The following FRMD4A variants were observed in gnomAD, a reference collection of about 807,000 sequenced individuals.
FRMD4A encodes the protein FERM domain containing 4A.
In FRMD4A, 29 loss-of-function variants were observed where a neutral mutation model predicts 129.1. That is an observed-to-expected ratio of 0.22 (90% CI 0.17 to 0.31). FRMD4A has a LOEUF of 0.31. FRMD4A is among the 10% of genes least tolerant of loss of function. The pLI is 1.00. For synonymous variants in FRMD4A, 634 were observed against 571.6 expected (o/e 1.11, Z -1.56); for missense variants, 1,272 against 1,375.8 (o/e 0.92, Z 1.19).
chr10:14,059,055 C>A (rs767827636), intron 2 of FRMD4A, among the ~76,000 whole-genome samples: 1 of 152,136 alleles, frequency 6.6e-6, no homozygotes, highest in Non-Finnish European at 1.5e-5. Context: ...CTTTATCCAG[C>A]CATTTTGATG....
chr10:13,789,421 A>C (rs2092941177), intron 5 of FRMD4A, among the ~76,000 whole-genome samples: 1 of 152,102 alleles, frequency 6.6e-6, no homozygotes, highest in South Asian at 2.1e-4. Context: ...GAAGAGGCAA[A>C]TCTAATCTCT....
chr10:13,874,767 T>C (rs186204674), intron 2 of FRMD4A, among the ~76,000 whole-genome samples: 10 of 152,342 alleles, frequency 6.6e-5, no homozygotes, highest in Admixed American at 5.2e-4. Context: ...AATAAAGAAT[T>C]ATTCACAGTA....
At chr10:14,236,995 CAAAAAAA>C (rs71477244) in intron 2 of FRMD4A, among the ~76,000 whole-genome samples, 171 of 75,396 alleles carry the variant, frequency 2.3e-3, no homozygotes, top group East Asian at 4.6e-3. Flanking sequence ...AACAGGTCAG[CAAAAAAA>C]AAAAAAAAAA....
intron 2 of FRMD4A, among the ~76,000 whole-genome samples, chr10:14,104,866 G>T (rs1837504464): frequency 6.6e-6 from 1 of 152,246 alleles, no homozygotes; most frequent in African/African-American, 2.4e-5. Flanking sequence ...GCCTTTGAAA[G>T]ATTCTGAGTT....
chr10:13,882,651 A>C (rs11258693), intron 2 of FRMD4A, among the ~76,000 whole-genome samples: 55,303 of 152,102 alleles, frequency 0.36, 10,246 homozygotes, highest in East Asian at 0.5. Flanking sequence ...GGCACAGGAC[A>C]GATGCCATGT....
intron 2 of FRMD4A, among the ~76,000 whole-genome samples, chr10:13,951,859 C>A (rs909934269): frequency 6.7e-6 from 1 of 150,190 alleles, no homozygotes; most frequent in Non-Finnish European, 1.5e-5. Context: ...CACTGCACTG[C>A]AGCCTGGGCT....
intron 17 of FRMD4A, among the ~76,000 whole-genome samples, chr10:13,669,154 C>T (rs993721367): frequency 1.3e-5 from 2 of 150,342 alleles, no homozygotes; most frequent in Non-Finnish European, 2.9e-5. Context: ...CTCCGACTCC[C>T]GGGTTCAAGC....
chr10:13,717,696 T>G (rs1433239253), intron 12 of FRMD4A, among the ~76,000 whole-genome samples: 1 of 136,602 alleles, frequency 7.3e-6, no homozygotes, highest in African/African-American at 2.9e-5. Flanking sequence ...GTTCTTGTTT[T>G]TTTTTTTTTT....
At chr10:13,779,850 A>G (rs1352570401) in intron 6 of FRMD4A, among the ~76,000 whole-genome samples, 1 of 151,716 alleles carries the variant, frequency 6.6e-6, no homozygotes, top group East Asian at 1.9e-4. Context: ...AACAATTCAC[A>G]TAAAGCACTC....
At chr10:14,228,325 GA>G (rs1843517912) in intron 2 of FRMD4A, among the ~76,000 whole-genome samples, 1 of 152,130 alleles carries the variant, frequency 6.6e-6, no homozygotes, top group Non-Finnish European at 1.5e-5. Flanking sequence ...AAAATACAGT[GA>G]CCATATGTCC....
At chr10:14,084,358 G>C (rs1199962706) in intron 2 of FRMD4A, among the ~76,000 whole-genome samples, 1 of 152,204 alleles carries the variant, frequency 6.6e-6, no homozygotes, top group African/African-American at 2.4e-5. Flanking sequence ...TGTTGGTCAG[G>C]CTGGTCTTGA....
chr10:13,896,094 T>G (rs1348349622), intron 2 of FRMD4A, among the ~76,000 whole-genome samples: 1 of 152,198 alleles, frequency 6.6e-6, no homozygotes, highest in Non-Finnish European at 1.5e-5. Flanking sequence ...GTTCAACCAT[T>G]GTGGAAGACA....
At chr10:14,042,815 A>T (rs926566623) in intron 2 of FRMD4A, among the ~76,000 whole-genome samples, 3 of 151,608 alleles carry the variant, frequency 2.0e-5, no homozygotes, top group Non-Finnish European at 2.9e-5. Context: ...ATACAAAAAA[A>T]ATTAGGTGGG....
intron 2 of FRMD4A, among the ~76,000 whole-genome samples, chr10:13,939,257 T>C (rs893191750): frequency 6.6e-6 from 1 of 152,244 alleles, no homozygotes; most frequent in African/African-American, 2.4e-5. Flanking sequence ...GTTTAAGGTT[T>C]TGAAAATTGT....
Position 13,931,847 on chromosome 10 carries a change from G to C in FRMD4A, c.46-72935C>G, listed in dbSNP as rs538758726. Among the ~76,000 whole-genome samples the C allele has an allele frequency of 1.5e-3, 234 of 152,012 alleles. 3 individuals carry two copies. Among genetic ancestry groups the C allele is most frequent in the African/African-American group, 5.4e-3 (222 of 41,436 alleles). ...GCCTATAATCCCAGGTACTTGGGAG[G>C]CTGAGGCAGGAGAATCGCTTGAACC... On this transcript the variant is annotated intron_variant, in intron 2 of 24. Transcript: ENST00000357447.
At chr10:13,792,260 G>C (rs1392948623) in intron 5 of FRMD4A, among the ~76,000 whole-genome samples, 1 of 152,188 alleles carries the variant, frequency 6.6e-6, no homozygotes, top group Non-Finnish European at 1.5e-5. Flanking sequence ...ACATGGCCAA[G>C]CGTGGGTCAC....
intron 2 of FRMD4A, among the ~76,000 whole-genome samples, chr10:14,220,727 A>T (rs1045659894): frequency 3.3e-5 from 5 of 152,030 alleles, no homozygotes; most frequent in Admixed American, 1.3e-4. Context: ...GGGTGCCTCC[A>T]TGGAGGCTTG....
intron 6 of FRMD4A, among the ~76,000 whole-genome samples, chr10:13,772,705 G>A (rs1315210674): frequency 6.6e-6 from 1 of 152,164 alleles, no homozygotes; most frequent in Admixed American, 6.5e-5. Flanking sequence ...GCCAGGCACA[G>A]AAAGACAAAG....
chr10:14,315,908 A>G (rs2132112173), intron 2 of FRMD4A, among the ~76,000 whole-genome samples: 1 of 152,352 alleles, frequency 6.6e-6, no homozygotes, highest in East Asian at 1.9e-4. Context: ...GAGCTAAAGA[A>G]TCAATGGTGG....
Sources: gnomAD v4.1 joint callset for allele counts (sites outside exome capture counted in the v4.1 genomes callset) on GRCh38, gnomAD v4.1.1 for gene constraint, MANE v1.5 for transcripts, NCBI Gene and HGNC (gene_info 2026-07-23, HGNC 2026-07-21) for gene names.